SLC5A12: variants seen among roughly 807,000 people sequenced by gnomAD.
The protein encoded by SLC5A12 is sodium-coupled monocarboxylate transporter 2.
In SLC5A12, 46 loss-of-function variants were observed where a neutral mutation model predicts 72.7. The observed-to-expected ratio is 0.63, with a 90% CI of 0.50 to 0.81. SLC5A12 has a LOEUF of 0.81. Ranked by LOEUF, SLC5A12 falls within the 30% of genes least tolerant of loss-of-function variation. The pLI, the probability that SLC5A12 is intolerant of heterozygous loss-of-function variation, is 0.00. For synonymous variants in SLC5A12, 275 were observed against 264.4 expected, an observed-to-expected ratio of 1.04 and a Z score of -0.39; for missense variants, 683 against 740.7, an observed-to-expected ratio of 0.92 and a Z score of 0.90.
At chr11:26,711,761 C>T (rs1415620954) in intron 2 of SLC5A12, among the ~76,000 whole-genome samples, 1 of 152,012 alleles carries the variant, frequency 6.6e-6, no homozygotes, top group Non-Finnish European at 1.5e-5. Context: ...TAGCAGTTTG[C>T]TGAAATATGG....
Position 26,671,014 on chromosome 11 carries a change from T to C in SLC5A12, c.*88A>G. 7.9e-7 allele frequency: 1 copy of C among 1,259,194 alleles called. No homozygotes were observed. Among genetic ancestry groups the C allele is most frequent in the Admixed American group, 2.4e-5 (1 of 41,578 alleles). The allele number at this position is 1,259,194 out of a possible 1,614,324, so 78.0% of individuals were successfully genotyped here. On this transcript the variant is annotated 3_prime_UTR_variant, in exon 15 of 15. Transcript: ENST00000396005. ...CTTCTAGCAATGGCAACTATACATA[T>C]CTACTAACAAGTAGGCAAGAAGTAT...
At position 26,711,326 on chromosome 11, in the gene SLC5A12, A is replaced by G. The variant is rs763359099; in HGVS notation, c.438T>C (p.Pro146=). 3 of 1,612,012 alleles carry G rather than the reference A, an allele frequency of 1.9e-6. No homozygotes were observed. Among genetic ancestry groups the G allele is most frequent in the Middle Eastern group, 1.7e-4 (1 of 6,040 alleles). ...ACTCACCTTGATTGAGTGCCAGGGC[A>G]GGAGCATACACCACCACTCCTGTGT... ...ILYTGVVVYA[P]ALALNQVTGF... The change falls in exon 3 of 15, where the codon CCT becomes CCC. Residue 146 remains proline, a synonymous_variant. Transcript: ENST00000396005.
chr11:26,716,026 AAG>A (rs1855341795), intron 1 of SLC5A12, among the ~76,000 whole-genome samples: 1 of 152,216 alleles, frequency 6.6e-6, no homozygotes, highest in African/African-American at 2.4e-5. Flanking sequence ...CATGAATACA[AAG>A]ATTGGCACTA....
upstream of SLC5A12, among the ~76,000 whole-genome samples, chr11:26,722,748 C>G (rs1384207110): frequency 6.6e-6 from 1 of 152,034 alleles, no homozygotes; most frequent in Non-Finnish European, 1.5e-5. Context: ...TGTTTCTGCT[C>G]TCTTTAGACT....
intron 6 of SLC5A12, among the ~76,000 whole-genome samples, chr11:26,700,506 AAAATAAAT>A (rs57501561): frequency 2.0e-5 from 3 of 150,048 alleles, no homozygotes; most frequent in Admixed American, 6.6e-5. Context: ...ATGAACACTG[AAAATAAAT>A]AAATAAATAA....
chr11:26,673,481 C>A lies in SLC5A12; in HGVS notation c.1628G>T (p.Cys543Phe). The A allele has an allele frequency of 6.2e-7, 1 of 1,611,732 alleles. No individual in the cohort carries two copies. Among genetic ancestry groups the A allele is most frequent in the East Asian group, 2.2e-5 (1 of 44,750 alleles). ...CTTAGACCAAAAGCAAAATAAATTACAAACTGGTCTAATTAACAGTGGTTG... is the reference window on the plus strand; with the variant it reads ...CTTAGACCAAAAGCAAAATAAATTAAAAACTGGTCTAATTAACAGTGGTTG... ...DIQPLLIRPV[C>F]NLFCFWSKKY... is the part of the protein sequence containing the mutation. The change falls in exon 14 of 15, where the codon TGT (cysteine) becomes TTT (phenylalanine). Residue 543 changes from cysteine to phenylalanine, a missense_variant. Coordinates refer to ENST00000396005, the MANE Select transcript of SLC5A12 (RefSeq NM_178498.4).
chr11:26,693,550 C>T (rs1854734925), intron 8 of SLC5A12, among the ~76,000 whole-genome samples: 1 of 152,056 alleles, frequency 6.6e-6, no homozygotes, highest in African/African-American at 2.4e-5. Flanking sequence ...AAAATGAGAC[C>T]TTCTTCAATT....
intron 14 of SLC5A12, 78 bp from the exon 15 acceptor site, chr11:26,671,329 GCCTTGGCTTC>G: frequency 7.5e-7 from 1 of 1,333,170 alleles, no homozygotes; most frequent in Non-Finnish European, 1.0e-6. Flanking sequence ...TCTTGTTTAG[GCCTTGGCTTC>G]AAAAAATTAT....
chr11:26,680,855 T>G (rs1854395776), intron 12 of SLC5A12, among the ~76,000 whole-genome samples, 200 bp downstream of exon 12: 1 of 152,212 alleles, frequency 6.6e-6, no homozygotes, highest in South Asian at 2.1e-4. Flanking sequence ...AATTGGTTTT[T>G]GTATGTCTGA....
At position 26,698,492 on chromosome 11, in the gene SLC5A12, A is replaced by G. The variant is rs777441629; in HGVS notation, c.865T>C (p.Cys289Arg). Residue 289 changes from cysteine to arginine, a missense_variant, in exon 7 of 15, where the codon TGT (cysteine) becomes CGT (arginine). Physicochemically the swap from Cys to Arg is radical, Grantham distance 180 (BLOSUM62 -3). Coordinates refer to ENST00000396005, the MANE Select transcript of SLC5A12 (RefSeq NM_178498.4). Reference sequence around the variant, plus strand: ...ATGATTAAGCCAGAGAAGACAGCACACACCAGAATGATCCAGAGACCCAGC... The same window carrying G: ...ATGATTAAGCCAGAGAAGACAGCACGCACCAGAATGATCCAGAGACCCAGC... ...NLLGLWIILVCAVFSGLIMYS... is the reference protein window; with the variant it reads ...NLLGLWIILVRAVFSGLIMYS... 45 of 1,613,956 alleles carry G rather than the reference A, an allele frequency of 2.8e-5. No homozygotes were observed. The highest frequency in any genetic ancestry group is 2.5e-6 in the Non-Finnish European group (3 of 1,179,980).
chr11:26,685,441 G>A (rs1409590363), intron 10 of SLC5A12, among the ~76,000 whole-genome samples: 2 of 151,960 alleles, frequency 1.3e-5, no homozygotes, highest in Non-Finnish European at 2.9e-5. Context: ...CAAATATGGC[G>A]AAACTCCATC....
intron 6 of SLC5A12, among the ~76,000 whole-genome samples, chr11:26,699,214 T>C (rs770520381): frequency 6.6e-6 from 1 of 152,206 alleles, no homozygotes; most frequent in Non-Finnish European, 1.5e-5. Context: ...ATTTCCTCAA[T>C]TCCAGAGAGG....
intron 12 of SLC5A12, among the ~76,000 whole-genome samples, chr11:26,680,325 A>T (rs1854369420): frequency 7.4e-6 from 1 of 135,172 alleles, no homozygotes; most frequent in East Asian, 2.0e-4. Context: ...ATGTATATAT[A>T]TTCATATATA....
intron 3 of SLC5A12, among the ~76,000 whole-genome samples, chr11:26,710,950 C>G (rs1381130708): frequency 1.3e-5 from 2 of 151,936 alleles, no homozygotes; most frequent in Non-Finnish European, 2.9e-5. Context: ...CTGAGATTAT[C>G]TACTTCATGA....
chr11:26,697,453 T>A (rs1221337374), intron 7 of SLC5A12, among the ~76,000 whole-genome samples: 1 of 152,116 alleles, frequency 6.6e-6, no homozygotes, highest in Admixed American at 6.6e-5. Flanking sequence ...TTATCCTGAA[T>A]GTTAGCAACT....
intron 1 of SLC5A12, among the ~76,000 whole-genome samples, chr11:26,720,178 A>G (rs561624305): frequency 6.6e-6 from 1 of 152,178 alleles, no homozygotes; most frequent in East Asian, 1.9e-4. Context: ...GCAATGCTTT[A>G]TGCCTAGGGC....
At chr11:26,706,855 T>G (rs781577821) in intron 4 of SLC5A12, among the ~76,000 whole-genome samples, 21 of 150,340 alleles carry the variant, frequency 1.4e-4, no homozygotes, top group Middle Eastern at 3.5e-3. Context: ...TACAATAATA[T>G]AAAACATTTA....
At position 26,670,197 on chromosome 11, in the gene SLC5A12, A is replaced by C. The variant is rs924976432; in HGVS notation, c.*905T>G. ...CTTATGGACAATGTATTTTCTCCAA[A>C]GAAGAATCCTATTGCTGATGAAATC... is the stretch of plus-strand genomic sequence containing the variant. On this transcript the variant is annotated 3_prime_UTR_variant, in exon 15 of 15. Transcript: ENST00000396005. 2.6e-5 allele frequency: 4 copies of C among 152,156 alleles called. No individual in the cohort carries two copies. Among genetic ancestry groups the C allele is most frequent in the Non-Finnish European group, 4.4e-5 (3 of 68,042 alleles). 9.4% of individuals were successfully genotyped at this position (152,156 alleles called of 1,614,324 possible).
At chr11:26,707,704 C>T (rs756169262) in intron 4 of SLC5A12, among the ~76,000 whole-genome samples, 3 of 151,886 alleles carry the variant, frequency 2.0e-5, no homozygotes, top group Non-Finnish European at 4.4e-5. Context: ...TATTCAGTAT[C>T]TTTTAATACC....
Sources: gnomAD v4.1 joint callset for allele counts (sites outside exome capture counted in the v4.1 genomes callset) on GRCh38, gnomAD v4.1.1 for gene constraint, MANE v1.5 for transcripts, NCBI Gene and HGNC (gene_info 2026-07-23, HGNC 2026-07-21) for gene names.